Variants in MSH4 observed in about 807,000 individuals in gnomAD.
MSH4 encodes the protein mutS protein homolog 4.
In MSH4, 106 loss-of-function variants were observed where a neutral mutation model predicts 113.7. The ratio of observed to expected loss-of-function variants is 0.93; its 90% confidence interval spans 0.80 to 1.10. The LOEUF (loss-of-function observed/expected upper bound fraction) is 1.10, where lower values mean the gene tolerates loss of function less well. MSH4 is among the 50% of genes least tolerant of loss of function. The pLI, the probability that MSH4 is intolerant of heterozygous loss-of-function variation, is 0.00. For synonymous variants in MSH4, 368 were observed against 380.2 expected, an observed-to-expected ratio of 0.97 and a Z score of 0.37; for missense variants, 1,061 against 1,093.7, an observed-to-expected ratio of 0.97 and a Z score of 0.42.
chr1:75,822,543 T>C lies in MSH4; in HGVS notation c.1124T>C (p.Leu375Pro). ...ATGAGATTAGATTGTGTTCAAGAAC[T>C]ACTTCAAGATGAGGAACTATTTTTT... ...INMRLDCVQE[L>P]LQDEELFFGL... is the part of the protein sequence containing the mutation. Residue 375 changes from leucine to proline, a missense_variant, in exon 7 of 20, where the codon CTA (leucine) becomes CCA (proline). Physicochemically the swap from Leu to Pro is moderately conservative, Grantham distance 98 (BLOSUM62 -3). Coordinates refer to ENST00000263187, the MANE Select transcript of MSH4 (RefSeq NM_002440.4). The C allele has an allele frequency of 6.4e-7, 1 of 1,551,256 alleles. No homozygotes were observed. The highest frequency in any genetic ancestry group is 8.7e-7 in the Non-Finnish European group (1 of 1,155,692).
At chr1:75,885,905 T>A (rs1652084097) in intron 15 of MSH4, among the ~76,000 whole-genome samples, 1 of 126,358 alleles carries the variant, frequency 7.9e-6, no homozygotes, top group Non-Finnish European at 1.6e-5. Context: ...ATGTATTATT[T>A]AGTATATATA....
At chr1:75,824,598 G>T (rs1255380004) in intron 7 of MSH4, among the ~76,000 whole-genome samples, 1 of 152,138 alleles carries the variant, frequency 6.6e-6, no homozygotes, top group African/African-American at 2.4e-5. Flanking sequence ...GGTTTGTATG[G>T]TTTTAGGTCT....
chr1:75,900,688 T>C (rs1652489434), intron 19 of MSH4, among the ~76,000 whole-genome samples: 1 of 152,178 alleles, frequency 6.6e-6, no homozygotes, highest in Admixed American at 6.5e-5. Flanking sequence ...AACAATTTTC[T>C]GTGTCCCTCA....
At chr1:75,885,318 G>GTGTGTGTGTGT (rs1557523735) in intron 15 of MSH4, among the ~76,000 whole-genome samples, 6 of 105,334 alleles carry the variant, frequency 5.7e-5, no homozygotes, top group African/African-American at 7.6e-5. Context: ...TCACACTGGG[G>GTGTGTGTGTGT]GTGTGTGTGT....
chr1:75,860,436 G>A (rs1028355756), intron 8 of MSH4, among the ~76,000 whole-genome samples: 2 of 152,146 alleles, frequency 1.3e-5, no homozygotes, highest in Admixed American at 1.3e-4. Flanking sequence ...CTTCCTGCAG[G>A]AGCTCTTGTA....
At chr1:75,902,673 G>GTGTA (rs1652530213) in intron 19 of MSH4, among the ~76,000 whole-genome samples, 4 of 90,204 alleles carry the variant, frequency 4.4e-5, no homozygotes, top group Non-Finnish European at 7.0e-5. Context: ...ATATGTGTAT[G>GTGTA]TATATATATA....
chr1:75,869,462 TC>T (rs1423422162), intron 9 of MSH4, among the ~76,000 whole-genome samples: 1 of 152,134 alleles, frequency 6.6e-6, no homozygotes, highest in Non-Finnish European at 1.5e-5. Flanking sequence ...GGGGAAAATG[TC>T]TCCAGGTCAT....
intron 7 of MSH4, among the ~76,000 whole-genome samples, chr1:75,825,782 GT>G (rs1253756549): frequency 1.2e-4 from 18 of 152,100 alleles, no homozygotes; most frequent in Non-Finnish European, 2.5e-4. Flanking sequence ...ATTTGCATAT[GT>G]TGAACTAGCC....
chr1:75,810,412 A>ATTTTTTTTTTTTT (rs760146124), intron 3 of MSH4, among the ~76,000 whole-genome samples: 1 of 104,528 alleles, frequency 9.6e-6, no homozygotes, highest in Non-Finnish European at 1.8e-5. Flanking sequence ...TAATTTTTGT[A>ATTTTTTTTTTTTT]TTTTTTTTTT....
chr1:75,898,985 G>A (rs1284728565), intron 18 of MSH4, among the ~76,000 whole-genome samples: 1 of 152,048 alleles, frequency 6.6e-6, no homozygotes, highest in East Asian at 1.9e-4. Context: ...GAGCTGTGTG[G>A]CACACTGCTT....
chr1:75,821,118 C>T (rs1650398497), intron 6 of MSH4, among the ~76,000 whole-genome samples: 1 of 150,634 alleles, frequency 6.6e-6, no homozygotes, highest in African/African-American at 2.4e-5. Context: ...TTCAGCACCA[C>T]ACCACACCTA....
chr1:75,903,565 T>C (rs1464331378), intron 19 of MSH4, among the ~76,000 whole-genome samples: 1 of 152,136 alleles, frequency 6.6e-6, no homozygotes, highest in East Asian at 1.9e-4. Context: ...CTGTGAAGAA[T>C]GTCTGTTATT....
At chr1:75,803,509 C>T (rs552354640) in intron 1 of MSH4, among the ~76,000 whole-genome samples, 5 of 151,762 alleles carry the variant, frequency 3.3e-5, no homozygotes, top group Admixed American at 2.6e-4. Context: ...CCCAGCTACT[C>T]GGGAGGCTGA....
rs1248176377 is a variant in MSH4, at chr1:75,890,826, T to A, written c.2355+2T>A. 1 of 1,541,798 alleles carries A rather than the reference T, an allele frequency of 6.5e-7. No individual in the cohort carries two copies. The highest frequency in any genetic ancestry group is 8.9e-7 in the Non-Finnish European group (1 of 1,124,220). On this transcript the variant is annotated splice_donor_variant, in intron 17 of 19. Transcript: ENST00000263187. LOFTEE classifies it high-confidence loss of function. ...TGTGAATATCTACTGAGCTTAAAGG[T>A]ATTCTTTTATTTTAAGTATATTGAT...
chr1:75,902,406 C>G, intron 19 of MSH4, among the ~76,000 whole-genome samples: 1 of 151,646 alleles, frequency 6.6e-6, no homozygotes, highest in East Asian at 2.0e-4. Context: ...ATCTTTATGT[C>G]CATGTGTACC....
intron 19 of MSH4, among the ~76,000 whole-genome samples, chr1:75,902,730 T>TATAC (rs1652536759): frequency 8.8e-6 from 1 of 113,722 alleles, no homozygotes; most frequent in African/African-American, 3.2e-5. Flanking sequence ...TATATATATA[T>TATAC]ATATAGTTCT....
chr1:75,806,266 GAGA>G (rs1650057853), intron 2 of MSH4, among the ~76,000 whole-genome samples: 1 of 74,624 alleles, frequency 1.3e-5, no homozygotes, highest in Non-Finnish European at 2.6e-5. Context: ...TTTTTTTTTT[GAGA>G]AGGAGTCTCG....
chr1:75,872,221 A>C (rs1317070126), intron 9 of MSH4, among the ~76,000 whole-genome samples: 4 of 152,216 alleles, frequency 2.6e-5, no homozygotes, highest in African/African-American at 9.6e-5. Context: ...TGACACAGCT[A>C]CAGGTCAGAT....
intron 19 of MSH4, among the ~76,000 whole-genome samples, chr1:75,904,248 G>A (rs1179675973): frequency 6.6e-6 from 1 of 152,064 alleles, no homozygotes; most frequent in African/African-American, 2.4e-5. Flanking sequence ...TTTTCAGTGT[G>A]TTGTTGTATT....
Sources: allele counts gnomAD v4.1 joint callset (sites outside exome capture counted in the v4.1 genomes callset), GRCh38; gene constraint gnomAD v4.1.1; transcripts MANE v1.5; gene names NCBI Gene and HGNC (gene_info 2026-07-23, HGNC 2026-07-21).